The following CDH12 variants were observed in gnomAD, a reference collection of about 807,000 sequenced individuals.
CDH12 encodes cadherin 12.
A neutral mutation model predicts 74.1 loss-of-function variants in CDH12; 41 were observed. That is an observed-to-expected ratio of 0.55 (90% confidence interval 0.43 to 0.72). CDH12 has a LOEUF of 0.72. Among genes scored for constraint, CDH12 ranks in the 30% least tolerant of loss-of-function variants. The pLI is 0.00. For synonymous variants in CDH12, 399 were observed against 355.0 expected, an observed-to-expected ratio of 1.12 and a Z score of -1.39; for missense variants, 945 against 977.2, an observed-to-expected ratio of 0.97 and a Z score of 0.44.
intron 1 of CDH12, among the ~76,000 whole-genome samples, chr5:22,507,065 C>T (rs22018): frequency 0.95 from 145,068 of 152,190 alleles, 69,268 homozygotes; most frequent in African/African-American, 0.99. Flanking sequence ...ATTAAGAAAG[C>T]CCATGGACAT....
chr5:22,164,786 C>T (rs527653828), intron 4 of CDH12, among the ~76,000 whole-genome samples: 154 of 143,880 alleles, frequency 1.1e-3, no homozygotes, highest in African/African-American at 4.0e-3. Context: ...AGCTCAGTTG[C>T]AAGCCCCGTG....
intron 8 of CDH12, among the ~76,000 whole-genome samples, chr5:21,832,859 T>TA (rs1749120260): frequency 3.4e-5 from 1 of 29,656 alleles, no homozygotes; most frequent in Non-Finnish European, 5.8e-5. Flanking sequence ...ATATATGATA[T>TA]ATATCATATG....
intron 10 of CDH12, among the ~76,000 whole-genome samples, chr5:21,793,119 G>A (rs1405056723): frequency 2.6e-5 from 4 of 151,506 alleles, no homozygotes; most frequent in Non-Finnish European, 1.5e-5. Context: ...AATTTCCTCA[G>A]AAATCAAAGG....
At chr5:22,484,124 A>G (rs1746494935) in intron 2 of CDH12, among the ~76,000 whole-genome samples, 1 of 152,092 alleles carries the variant, frequency 6.6e-6, no homozygotes, top group African/African-American at 2.4e-5. Context: ...CTAGGTTACA[A>G]GTGATATTGA....
chr5:22,742,795 C>T (rs1048992180), intron 1 of CDH12, among the ~76,000 whole-genome samples: 3 of 151,086 alleles, frequency 2.0e-5, no homozygotes, highest in Non-Finnish European at 4.4e-5. Context: ...TTCATATACA[C>T]AGGTATATTT....
At chr5:22,825,759 G>A (rs973899626) in intron 1 of CDH12, among the ~76,000 whole-genome samples, 2 of 152,148 alleles carry the variant, frequency 1.3e-5, no homozygotes, top group African/African-American at 4.8e-5. Context: ...GCAGACTTGT[G>A]TAGTGATATG....
chr5:22,236,739 C>G (rs1752573715), intron 3 of CDH12, among the ~76,000 whole-genome samples: 1 of 152,152 alleles, frequency 6.6e-6, no homozygotes, highest in African/African-American at 2.4e-5. Flanking sequence ...GAGTGAGACT[C>G]TGTCTCAAAA....
chr5:22,522,045 TTA>T (rs1485922794), intron 1 of CDH12, among the ~76,000 whole-genome samples: 3 of 152,216 alleles, frequency 2.0e-5, no homozygotes, highest in African/African-American at 7.2e-5. Context: ...CAGGAAAGTT[TTA>T]TGTTTCTGAT....
At chr5:22,740,172 T>C (rs1744947205) in intron 1 of CDH12, among the ~76,000 whole-genome samples, 1 of 152,108 alleles carries the variant, frequency 6.6e-6, no homozygotes, top group Admixed American at 6.5e-5. Context: ...CAGTGTAGTC[T>C]TACGTATTTG....
intron 1 of CDH12, among the ~76,000 whole-genome samples, chr5:22,827,598 G>GC (rs1305214501): frequency 1.3e-5 from 2 of 152,120 alleles, no homozygotes; most frequent in Admixed American, 6.5e-5. Flanking sequence ...TAGGTAGTCT[G>GC]CCCACTGAGG....
chr5:22,594,590 G>A (rs140778107), intron 1 of CDH12, among the ~76,000 whole-genome samples: 1 of 152,072 alleles, frequency 6.6e-6, no homozygotes, highest in East Asian at 2.0e-4. Context: ...AAGAATTCCT[G>A]ACATAGAGTA....
intron 1 of CDH12, among the ~76,000 whole-genome samples, chr5:22,775,603 A>G (rs1333416574): frequency 1.3e-5 from 2 of 152,154 alleles, no homozygotes; most frequent in Admixed American, 1.3e-4. Context: ...AAATGTTATA[A>G]CTTTTCCTTT....
At chr5:22,804,101 T>C (rs1331943069) in intron 1 of CDH12, among the ~76,000 whole-genome samples, 1 of 152,204 alleles carries the variant, frequency 6.6e-6, no homozygotes, top group Non-Finnish European at 1.5e-5. Flanking sequence ...TATTTTGTTA[T>C]AATTTTGAAG....
At chr5:22,607,060 G>A (rs1737153320) in intron 1 of CDH12, among the ~76,000 whole-genome samples, 1 of 152,198 alleles carries the variant, frequency 6.6e-6, no homozygotes, top group Non-Finnish European at 1.5e-5. Context: ...GAACTTGAGA[G>A]AGATAATTTA....
At chr5:22,092,106 T>A (rs763761265) in intron 4 of CDH12, among the ~76,000 whole-genome samples, 1 of 151,268 alleles carries the variant, frequency 6.6e-6, no homozygotes, top group Admixed American at 6.6e-5. Context: ...ATGACTTTTA[T>A]CCTCTACTGC....
At chr5:22,122,361 C>G (rs1745567182) in intron 4 of CDH12, among the ~76,000 whole-genome samples, 1 of 152,172 alleles carries the variant, frequency 6.6e-6, no homozygotes, top group Non-Finnish European at 1.5e-5. Flanking sequence ...TGAAATCGTG[C>G]TGCTGCACTC....
At chr5:22,758,325 C>A (rs1746035787) in intron 1 of CDH12, among the ~76,000 whole-genome samples, 1 of 152,182 alleles carries the variant, frequency 6.6e-6, no homozygotes, top group African/African-American at 2.4e-5. Flanking sequence ...GTTCTGGCAA[C>A]TACCTTAGAC....
intron 6 of CDH12, among the ~76,000 whole-genome samples, chr5:21,954,391 C>T (rs1388036054): frequency 6.6e-6 from 1 of 151,888 alleles, no homozygotes; most frequent in African/African-American, 2.4e-5. Flanking sequence ...TGCCTGCACA[C>T]ACACTTGCAT....
intron 3 of CDH12, among the ~76,000 whole-genome samples, chr5:22,397,242 A>G (rs980029424): frequency 5.3e-5 from 8 of 152,046 alleles, no homozygotes; most frequent in African/African-American, 1.2e-4. Context: ...CCCTTTCCCA[A>G]TGGCTGGAAT....
Sources: allele counts gnomAD v4.1 joint callset (sites outside exome capture counted in the v4.1 genomes callset), GRCh38; gene constraint gnomAD v4.1.1; transcripts MANE v1.5; gene names NCBI Gene and HGNC (gene_info 2026-07-23, HGNC 2026-07-21).